The following STPG2 variants were observed in gnomAD, a reference collection of about 807,000 sequenced individuals.
STPG2 encodes sperm-tail PG-rich repeat-containing protein 2.
A neutral mutation model predicts 54.2 loss-of-function variants in STPG2; 56 were observed. That is an observed-to-expected ratio of 1.03 (90% CI 0.83 to 1.29). The LOEUF (loss-of-function observed/expected upper bound fraction) is 1.29. Among genes scored for constraint, STPG2 ranks in the 50% most tolerant of loss-of-function variants. STPG2 has a pLI of 0.00. For missense variants in STPG2, 596 were observed against 544.9 expected (o/e 1.09, Z -0.93); for synonymous variants, 200 against 181.8 (o/e 1.10, Z -0.81).
chr4:97,617,567 T>C (rs1454070374), intron 10 of STPG2, among the ~76,000 whole-genome samples: 1 of 152,148 alleles, frequency 6.6e-6, no homozygotes, highest in Non-Finnish European at 1.5e-5. Flanking sequence ...GATTCAAGGG[T>C]TAAGCAGAGA....
chr4:97,480,021 G>C (rs961653099), intron 4 of STPG2, among the ~76,000 whole-genome samples: 5 of 151,680 alleles, frequency 3.3e-5, no homozygotes, highest in Admixed American at 1.3e-4. Flanking sequence ...TACTTAGCAA[G>C]TTAAATGAAA....
intron 9 of STPG2, among the ~76,000 whole-genome samples, chr4:97,741,577 G>A (rs1306954613): frequency 6.6e-6 from 1 of 151,976 alleles, no homozygotes; most frequent in Non-Finnish European, 1.5e-5. Flanking sequence ...ACTTCTCAAA[G>A]GTAGACATGT....
At chr4:97,530,352 T>C (rs906743422) in intron 4 of STPG2, among the ~76,000 whole-genome samples, 5 of 152,234 alleles carry the variant, frequency 3.3e-5, no homozygotes, top group Non-Finnish European at 7.3e-5. Context: ...AAGGTTATGC[T>C]GTACTGTGTA....
chr4:97,676,555 AAG>A (rs1722853926), intron 10 of STPG2, among the ~76,000 whole-genome samples: 1 of 136,530 alleles, frequency 7.3e-6, no homozygotes, highest in Admixed American at 7.5e-5. Flanking sequence ...GGAAGGAAGG[AAG>A]GAAGGAAGGA....
intron 5 of STPG2, among the ~76,000 whole-genome samples, chr4:98,009,180 T>C (rs1286735786): frequency 6.6e-6 from 1 of 152,052 alleles, no homozygotes; most frequent in Non-Finnish European, 1.5e-5. Flanking sequence ...TTTGGGCTTG[T>C]TTATTTCAGA....
intron 5 of STPG2, among the ~76,000 whole-genome samples, chr4:97,998,237 C>A (rs1171423408): frequency 6.6e-6 from 1 of 152,096 alleles, no homozygotes; most frequent in African/African-American, 2.4e-5. Flanking sequence ...TATGTAGCAC[C>A]AATTCTGAGC....
At chr4:97,477,415 T>A (rs773199195) in intron 4 of STPG2, among the ~76,000 whole-genome samples, 4 of 152,026 alleles carry the variant, frequency 2.6e-5, no homozygotes, top group Non-Finnish European at 5.9e-5. Flanking sequence ...AAAAATTTTA[T>A]ATCATTGTAA....
At chr4:97,816,811 A>T (rs1727927023) in intron 9 of STPG2, among the ~76,000 whole-genome samples, 8 of 132,890 alleles carry the variant, frequency 6.0e-5, no homozygotes, top group African/African-American at 1.1e-4. Context: ...TCTCTTTCTG[A>T]CCCTCTTCCT....
chr4:98,023,983 G>A (rs544279366), intron 5 of STPG2, among the ~76,000 whole-genome samples: 8 of 152,010 alleles, frequency 5.3e-5, no homozygotes, highest in Non-Finnish European at 7.4e-5. Flanking sequence ...TGTGCTTCCC[G>A]AGTGAGGCAA....
At chr4:97,616,674 T>A (rs559380359) in intron 10 of STPG2, among the ~76,000 whole-genome samples, 2 of 152,138 alleles carry the variant, frequency 1.3e-5, no homozygotes, top group African/African-American at 4.8e-5. Flanking sequence ...AAAACATCAC[T>A]AGTGATGATG....
At chr4:98,115,053 ACT>A (rs1739478398) in intron 3 of STPG2, among the ~76,000 whole-genome samples, 1 of 151,954 alleles carries the variant, frequency 6.6e-6, no homozygotes. Flanking sequence ...ATTGAAGCAA[ACT>A]CAGCATGGAA....
At chr4:97,469,171 T>C (rs1423195574) in intron 4 of STPG2, among the ~76,000 whole-genome samples, 1 of 152,124 alleles carries the variant, frequency 6.6e-6, no homozygotes, top group Non-Finnish European at 1.5e-5. Context: ...GGTAGTGCTA[T>C]TAAAATCCAC....
At chr4:97,951,775 T>C (rs949258715) in intron 7 of STPG2, among the ~76,000 whole-genome samples, 1 of 152,180 alleles carries the variant, frequency 6.6e-6, no homozygotes, top group Non-Finnish European at 1.5e-5. Flanking sequence ...TATTCACCAG[T>C]ATTTTATTTA....
chr4:97,878,122 C>A (rs1246167303), intron 8 of STPG2, among the ~76,000 whole-genome samples: 2 of 152,190 alleles, frequency 1.3e-5, no homozygotes, highest in Non-Finnish European at 2.9e-5. Context: ...AGAGGTGGGT[C>A]CCCATGGTCT....
intron 8 of STPG2, among the ~76,000 whole-genome samples, chr4:97,846,030 C>T (rs1335749975): frequency 6.6e-6 from 1 of 152,094 alleles, no homozygotes; most frequent in Non-Finnish European, 1.5e-5. Context: ...GAACCTCAGC[C>T]TGAACTCAGA....
At chr4:97,703,574 G>T (rs1723846841) in intron 10 of STPG2, among the ~76,000 whole-genome samples, 2 of 106,314 alleles carry the variant, frequency 1.9e-5, no homozygotes, top group Admixed American at 1.2e-4. Context: ...ATTATATTTA[G>T]TATATATAGT....
intron 8 of STPG2, among the ~76,000 whole-genome samples, chr4:97,904,000 C>T (rs1381165577): frequency 6.6e-6 from 1 of 152,190 alleles, no homozygotes; most frequent in Admixed American, 6.5e-5. Flanking sequence ...GATCAAACTG[C>T]AAGGCAGCAG....
At chr4:97,885,589 T>C (rs1188382717) in intron 8 of STPG2, among the ~76,000 whole-genome samples, 1 of 152,192 alleles carries the variant, frequency 6.6e-6, no homozygotes, top group Admixed American at 6.6e-5. Context: ...CAATATACCA[T>C]TGGCCACTGA....
At chr4:97,762,357 T>C (rs901614306) in intron 9 of STPG2, among the ~76,000 whole-genome samples, 5 of 152,132 alleles carry the variant, frequency 3.3e-5, no homozygotes, top group African/African-American at 1.2e-4. Context: ...GTGACCAATC[T>C]TTACGGGAAC....
Sources: allele counts gnomAD v4.1 joint callset (sites outside exome capture counted in the v4.1 genomes callset), GRCh38; gene constraint gnomAD v4.1.1; transcripts MANE v1.5; gene names NCBI Gene and HGNC (gene_info 2026-07-23, HGNC 2026-07-21).